The following CEP170 variants were observed in gnomAD, a reference collection of about 807,000 sequenced individuals.
CEP170 encodes centrosomal protein 170.
In CEP170, 21 loss-of-function variants were observed where a neutral mutation model predicts 151.9. The ratio of observed to expected loss-of-function variants is 0.14; its 90% CI spans 0.10 to 0.20. The LOEUF is 0.20. CEP170 is among the 10% of genes least tolerant of loss of function. The probability of loss-of-function intolerance (pLI) is 1.00; values close to 1 mark genes in which losing one functional copy is unlikely to be tolerated. For synonymous variants in CEP170, 356 were observed against 648.8 expected (o/e 0.55, Z 6.86); for missense variants, 964 against 1,892.9 (o/e 0.51, Z 9.11).
chr1:243,193,319 A>G lies in CEP170; in HGVS notation c.632-1825T>C, dbSNP rs551127912. Among the ~76,000 whole-genome samples, 13 of 152,182 alleles carry G rather than the reference A, an allele frequency of 8.5e-5. No homozygotes were observed. The East Asian group carries it at 2.5e-3, about 29-fold the overall frequency. ...GTACTGTACTTGATCAAGTCCATAC[A>G]GTACAACTGGTTCATAAACCTGTCC... On this transcript the variant is annotated intron_variant, in intron 7 of 19. Coordinates refer to ENST00000366542, the MANE Select transcript of CEP170 (RefSeq NM_014812.3).
At chr1:243,166,155 C>G in intron 12 of CEP170, 39 bp from the exon 13 acceptor site, 1 of 1,596,822 alleles carries the variant, frequency 6.3e-7, no homozygotes. Flanking sequence ...TTGATTAAGA[C>G]AAATAAAATA....
chr1:243,178,383 A>G (rs906227735), intron 10 of CEP170, among the ~76,000 whole-genome samples: 5 of 151,518 alleles, frequency 3.3e-5, no homozygotes, highest in Admixed American at 1.3e-4. Context: ...CCTTGAAAAC[A>G]TTATTCCAAG....
At chr1:243,157,092 C>T (rs1235741719) in intron 13 of CEP170, among the ~76,000 whole-genome samples, 2 of 152,190 alleles carry the variant, frequency 1.3e-5, no homozygotes, top group Non-Finnish European at 2.9e-5. Flanking sequence ...TTCAGTACAA[C>T]TCTCTGCTGC....
chr1:243,127,195 T>A (rs531792934), intron 19 of CEP170, among the ~76,000 whole-genome samples: 1 of 152,134 alleles, frequency 6.6e-6, no homozygotes, highest in East Asian at 1.9e-4. Context: ...AATGCTACCA[T>A]AGAATACGGT....
chr1:243,143,413 G>A (rs1394258179), intron 14 of CEP170, among the ~76,000 whole-genome samples: 1 of 151,886 alleles, frequency 6.6e-6, no homozygotes, highest in Non-Finnish European at 1.5e-5. Context: ...TTTCCATAAA[G>A]CCATTTGCAT....
At chr1:243,131,895 G>A (rs972542115) in intron 17 of CEP170, among the ~76,000 whole-genome samples, 1 of 152,178 alleles carries the variant, frequency 6.6e-6, no homozygotes, top group African/African-American at 2.4e-5. Flanking sequence ...ACAAACAGAA[G>A]TCTCAGGCTC....
chr1:243,212,063 T>A (rs2061856663), intron 3 of CEP170, 99 bp from the exon 4 acceptor site: 2 of 1,207,806 alleles, frequency 1.7e-6, no homozygotes, highest in South Asian at 2.0e-5. Context: ...AAAGCACATA[T>A]CATACGGTGG....
intron 8 of CEP170, among the ~76,000 whole-genome samples, chr1:243,190,511 A>G (rs1445485807): frequency 6.6e-6 from 1 of 152,176 alleles, no homozygotes; most frequent in Non-Finnish European, 1.5e-5. Context: ...ATATTTCTAA[A>G]CCAAAAATCT....
At chr1:243,247,614 A>C (rs2065538963) in intron 1 of CEP170, among the ~76,000 whole-genome samples, 1 of 152,136 alleles carries the variant, frequency 6.6e-6, no homozygotes, top group Non-Finnish European at 1.5e-5. Flanking sequence ...TCGGCCTCCC[A>C]AAGTGCTGGG....
chr1:243,159,260 C>T (rs1007051596), intron 13 of CEP170, among the ~76,000 whole-genome samples: 2 of 151,960 alleles, frequency 1.3e-5, no homozygotes, highest in African/African-American at 4.8e-5. Flanking sequence ...AAACATATCA[C>T]ACATGGGATG....
Position 243,140,013 on chromosome 1 carries a change from C to T in CEP170, c.4154G>A (p.Gly1385Asp). Reference protein sequence around the residue: ...KTPEGNNGRSGDPRPQAAEPP... With the variant: ...KTPEGNNGRSDDPRPQAAEPP... Reference sequence around the variant, plus strand: ...CTCTGCTGCTTGAGGTCTTGGATCACCAGATCGACCGTTGTTTCCTTCTGG... The same window carrying T: ...CTCTGCTGCTTGAGGTCTTGGATCATCAGATCGACCGTTGTTTCCTTCTGG... The change falls in exon 16 of 20, where the codon GGT becomes GAT. Residue 1385 changes from glycine (G) to aspartate (D), a missense_variant. Physicochemically the swap from Gly to Asp is moderately conservative, Grantham distance 94. Coordinates refer to ENST00000366542, the MANE Select transcript of CEP170 (RefSeq NM_014812.3). 1.9e-6 allele frequency: 3 copies of T among 1,613,848 alleles called. No individual in the cohort carries two copies. The highest frequency in any genetic ancestry group is 2.5e-6 in the Non-Finnish European group (3 of 1,179,832).
chr1:243,192,584 G>A (rs1438002535), intron 7 of CEP170, among the ~76,000 whole-genome samples: 4 of 152,152 alleles, frequency 2.6e-5, no homozygotes, highest in African/African-American at 9.7e-5. Flanking sequence ...CAGATTAATA[G>A]AAAAATCACT....
At chr1:243,178,276 T>G (rs565767559) in intron 10 of CEP170, among the ~76,000 whole-genome samples, 247 of 114,154 alleles carry the variant, frequency 2.2e-3, no homozygotes, top group Non-Finnish European at 3.3e-3. Flanking sequence ...GCCACTGCAC[T>G]CCAGCCTGGG....
chr1:243,222,592 A>G (rs1423380368), intron 2 of CEP170, among the ~76,000 whole-genome samples: 1 of 152,196 alleles, frequency 6.6e-6, no homozygotes, highest in Non-Finnish European at 1.5e-5. Flanking sequence ...ATCACCATGT[A>G]TTACGGGGTT....
chr1:243,217,941 G>A (rs2062452790), intron 3 of CEP170, among the ~76,000 whole-genome samples: 2 of 152,172 alleles, frequency 1.3e-5, no homozygotes, highest in African/African-American at 4.8e-5. Flanking sequence ...AAGATTAGGT[G>A]CCCAAGCTAA....
chr1:243,151,284 A>G (rs1354474555), intron 14 of CEP170, among the ~76,000 whole-genome samples: 1 of 149,360 alleles, frequency 6.7e-6, no homozygotes, highest in Admixed American at 6.7e-5. Context: ...CTAATCTCCC[A>G]TCTGATCAAC....
intron 1 of CEP170, among the ~76,000 whole-genome samples, chr1:243,230,550 G>A (rs1020659334): frequency 6.6e-6 from 1 of 152,098 alleles, no homozygotes; most frequent in South Asian, 2.1e-4. Flanking sequence ...TCAGTAGGAA[G>A]ACAGAAATTA....
intron 2 of CEP170, among the ~76,000 whole-genome samples, chr1:243,222,103 A>T (rs902477532): frequency 2.6e-5 from 4 of 152,300 alleles, no homozygotes; most frequent in East Asian, 1.9e-4. Flanking sequence ...TAATTTTTTT[A>T]AATTTAAAAC....
chr1:243,229,173 G>A (rs995904630), intron 1 of CEP170, among the ~76,000 whole-genome samples: 7 of 152,290 alleles, frequency 4.6e-5, no homozygotes, highest in South Asian at 2.1e-4. Flanking sequence ...GCCAAGGCAC[G>A]TGACTCAACT....
Sources: gnomAD v4.1 joint callset for allele counts (sites outside exome capture counted in the v4.1 genomes callset) on GRCh38, gnomAD v4.1.1 for gene constraint, MANE v1.5 for transcripts, NCBI Gene and HGNC (gene_info 2026-07-23, HGNC 2026-07-21) for gene names.